OXR1: variants seen among roughly 807,000 people sequenced by gnomAD.
OXR1 encodes oxidation resistance 1.
Under a neutral mutation model 104.6 loss-of-function variants are expected in OXR1, and 41 were observed. That is an observed-to-expected ratio of 0.39 (90% CI 0.31 to 0.51). The LOEUF (loss-of-function observed/expected upper bound fraction) is 0.51, where lower values mean the gene tolerates loss of function less well. Ranked by LOEUF, OXR1 falls within the 20% of genes least tolerant of loss-of-function variation. OXR1 has a pLI of 0.77. For synonymous variants in OXR1, 348 were observed against 348.4 expected, an observed-to-expected ratio of 1.00 and a Z score of 0.01; for missense variants, 955 against 1,031.9, an observed-to-expected ratio of 0.93 and a Z score of 1.02.
rs71562118 is a variant in OXR1 at position 106,737,440 on chromosome 8, C to CTTT, written c.1957-56_1957-54dup. On this transcript the variant is annotated intron_variant, in intron 11 of 16. Coordinates refer to ENST00000517566, the MANE Select transcript of OXR1 (RefSeq NM_001198533.2). Reference sequence around the variant, plus strand: ...TTCTCTTCCCATTTTAATTTCTCCTCTTTTTTTTTTTTTTTTTTTTTTTTT... The same window carrying CTTT: ...TTCTCTTCCCATTTTAATTTCTCCTCTTTTTTTTTTTTTTTTTTTTTTTTTTTT... 1.4e-3 allele frequency: 210 copies of CTTT among 148,014 alleles called. 10 individuals are homozygous for CTTT. The highest frequency in any genetic ancestry group is 3.4e-3 in the African/African-American group (49 of 14,230). The allele number at this position is 148,014 out of a possible 1,614,324, so 9.2% of individuals were successfully genotyped here.
chr8:106,501,106 T>G (rs977307880), intron 2 of OXR1, among the ~76,000 whole-genome samples: 2 of 152,200 alleles, frequency 1.3e-5, no homozygotes, highest in African/African-American at 4.8e-5. Flanking sequence ...CAGAAAAATC[T>G]TCTTGTACAA....
At chr8:106,468,944 T>C (rs1385337195) in intron 2 of OXR1, among the ~76,000 whole-genome samples, 1 of 151,744 alleles carries the variant, frequency 6.6e-6, no homozygotes, top group East Asian at 1.9e-4. Context: ...AGAAACTGAC[T>C]ACATATTCCT....
chr8:106,310,058 T>C (rs2130127786), intron 1 of OXR1, among the ~76,000 whole-genome samples: 1 of 152,106 alleles, frequency 6.6e-6, no homozygotes, highest in South Asian at 2.1e-4. Context: ...AAAATGGGAA[T>C]GATTTTAAAT....
In OXR1 at chr8:106,751,234, C is replaced by G. The variant is rs28924705; in HGVS notation, c.*293C>G. ...ATGACAACTTCATTTTCACATGTTA[C>G]TCAGTTCCCTAATAGGATGGTGCTC... On this transcript the variant is annotated 3_prime_UTR_variant, in exon 17 of 17. Coordinates refer to ENST00000517566, the MANE Select transcript of OXR1 (RefSeq NM_001198533.2). 0.018 allele frequency: 3,839 copies of G among 216,366 alleles called. 47 individuals carry two copies. The highest frequency in any genetic ancestry group is 0.03 in the East Asian group (300 of 10,004). 13.4% of individuals were successfully genotyped at this position (216,366 alleles called of 1,614,324 possible). A position where few individuals can be genotyped will look rare whatever the true frequency, so the allele number is the denominator to read the frequency against.
rs150804426 is a variant in OXR1, at chr8:106,352,229, G to T, written c.-138-7247G>T. Among the ~76,000 whole-genome samples, 598 of 152,318 alleles carry T rather than the reference G, an allele frequency of 3.9e-3. 5 individuals carry two copies. The highest frequency in any genetic ancestry group is 0.013 in the African/African-American group (553 of 41,566). On this transcript the variant is annotated intron_variant, in intron 1 of 16. Coordinates refer to ENST00000517566, the MANE Select transcript of OXR1 (RefSeq NM_001198533.2). ...ATATCTCAGAGGTAGAATCAACCAG[G>T]CTTAGTGATTAACTGGATGGGTGGA... is the stretch of plus-strand genomic sequence containing the variant.
chr8:106,518,312 C>T (rs1586749038), intron 2 of OXR1, among the ~76,000 whole-genome samples: 1 of 152,258 alleles, frequency 6.6e-6, no homozygotes, highest in Admixed American at 6.5e-5. Context: ...GAAGTTAACT[C>T]ACCATCATTT....
intron 11 of OXR1, among the ~76,000 whole-genome samples, chr8:106,716,762 A>G (rs1024170998): frequency 1.3e-5 from 2 of 152,024 alleles, no homozygotes. Context: ...TTTTGAATAC[A>G]TTAGGTTAAA....
intron 3 of OXR1, among the ~76,000 whole-genome samples, chr8:106,642,766 C>T (rs952183907): frequency 1.3e-5 from 2 of 152,110 alleles, no homozygotes; most frequent in Non-Finnish European, 2.9e-5. Context: ...GCGAATAGCC[C>T]GAATTTTTAA....
At chr8:106,324,458 CTACACGTGTT>C (rs1327086893) in intron 1 of OXR1, among the ~76,000 whole-genome samples, 1 of 151,580 alleles carries the variant, frequency 6.6e-6, no homozygotes, top group Non-Finnish European at 1.5e-5. Flanking sequence ...ACAACCCCCC[CTACACGTGTT>C]TACCTATGTA....
chr8:106,298,347 G>T (rs544280267), intron 1 of OXR1, among the ~76,000 whole-genome samples: 1 of 152,154 alleles, frequency 6.6e-6, no homozygotes, highest in Non-Finnish European at 1.5e-5. Flanking sequence ...GCAAGAGAAC[G>T]TGTGCCGGGG....
intron 1 of OXR1, among the ~76,000 whole-genome samples, chr8:106,304,438 A>G (rs1210965394): frequency 6.6e-6 from 1 of 152,174 alleles, no homozygotes; most frequent in East Asian, 1.9e-4. Context: ...TTTGAGAACC[A>G]GAAGTTCATT....
At position 106,456,430 on chromosome 8, in the gene OXR1, G is replaced by A. The variant is rs150135944; in HGVS notation, c.24-62513G>A. The stretch of plus-strand genomic sequence containing the variant: ...CTTAAAAAAGCATTGGATTATTTAC[G>A]AAATAAAAACAAAACTTGAAAAAAT... On this transcript the variant is annotated intron_variant, in intron 2 of 16. Transcript: ENST00000517566. 1.2e-3 allele frequency among the ~76,000 whole-genome samples: 181 copies of A among 152,114 alleles called. 1 individual carries two copies. Among genetic ancestry groups the A allele is most frequent in the African/African-American group, 4.0e-3 (166 of 41,518 alleles).
At chr8:106,511,301 A>G (rs1342578019) in intron 2 of OXR1, among the ~76,000 whole-genome samples, 1 of 152,188 alleles carries the variant, frequency 6.6e-6, no homozygotes, top group Non-Finnish European at 1.5e-5. Flanking sequence ...GTAACTTGAG[A>G]CTTTTGCAGC....
At chr8:106,679,337 CTTCT>C (rs1442549889) in intron 4 of OXR1, 45 bp downstream of exon 4, 5 of 1,006,764 alleles carry the variant, frequency 5.0e-6, no homozygotes, top group Admixed American at 4.1e-5. Context: ...TTGTAAGAGT[CTTCT>C]TTAAGACATT....
At position 106,751,637 on chromosome 8, in the gene OXR1, A is replaced by G. The variant is rs907809161; in HGVS notation, c.*696A>G. 2.6e-5 allele frequency: 4 copies of G among 152,602 alleles called. No homozygotes were observed. Among genetic ancestry groups the G allele is most frequent in the African/African-American group, 9.7e-5 (4 of 41,446 alleles). The allele number at this position is 152,602 out of a possible 1,614,324, so 9.5% of individuals were successfully genotyped here. A position where few individuals can be genotyped will look rare whatever the true frequency, so the allele number is the denominator to read the frequency against. ...CATTAAATTATCTGATAAAGTTACA[A>G]GTCACAAAGGAGAATGAGAACTTAA... On this transcript the variant is annotated 3_prime_UTR_variant, in exon 17 of 17. Coordinates refer to ENST00000517566, the MANE Select transcript of OXR1 (RefSeq NM_001198533.2).
chr8:106,458,601 G>C (rs1820737384), intron 2 of OXR1, among the ~76,000 whole-genome samples: 1 of 152,096 alleles, frequency 6.6e-6, no homozygotes, highest in African/African-American at 2.4e-5. Flanking sequence ...CAGAACTGTA[G>C]AGCTACCAGC....
intron 3 of OXR1, among the ~76,000 whole-genome samples, chr8:106,590,386 C>T (rs1818984386): frequency 6.6e-6 from 1 of 152,186 alleles, no homozygotes; most frequent in African/African-American, 2.4e-5. Flanking sequence ...CTCCTGGGTT[C>T]AAGCGATTTT....
intron 2 of OXR1, among the ~76,000 whole-genome samples, chr8:106,388,453 T>A (rs1408648695): frequency 1.3e-5 from 2 of 151,900 alleles, no homozygotes; most frequent in Non-Finnish European, 2.9e-5. Context: ...GACAGTGTCT[T>A]GCACTGTCAC....
intron 3 of OXR1, among the ~76,000 whole-genome samples, chr8:106,652,158 A>G (rs1824634852): frequency 6.6e-6 from 1 of 152,158 alleles, no homozygotes; most frequent in Non-Finnish European, 1.5e-5. Context: ...GTGTAACATC[A>G]GCTTGAAAGT....
Sources: allele counts gnomAD v4.1 joint callset (sites outside exome capture counted in the v4.1 genomes callset), GRCh38; gene constraint gnomAD v4.1.1; transcripts MANE v1.5; gene names NCBI Gene and HGNC (gene_info 2026-07-23, HGNC 2026-07-21).